The following MELK variants were observed in gnomAD, a reference collection of about 807,000 sequenced individuals.
MELK encodes the protein maternal embryonic leucine zipper kinase.
Under a neutral mutation model 85.0 loss-of-function variants are expected in MELK, and 81 were observed. That is an observed-to-expected ratio of 0.95 (90% CI 0.80 to 1.15). The LOEUF (loss-of-function observed/expected upper bound fraction) is 1.15, where lower values mean the gene tolerates loss of function less well. MELK is among the 50% of genes most tolerant of loss of function. The pLI is 0.00. For synonymous variants in MELK, 252 were observed against 265.0 expected (o/e 0.95, Z 0.48); for missense variants, 754 against 777.5 (o/e 0.97, Z 0.36).
chr9:36,608,179 C>CT (rs1223702591), intron 8 of MELK, among the ~76,000 whole-genome samples: 3 of 144,698 alleles, frequency 2.1e-5, no homozygotes, highest in African/African-American at 7.8e-5. Flanking sequence ...ACTCGGGAGG[C>CT]TGAGGCAGGA....
intron 3 of MELK, among the ~76,000 whole-genome samples, chr9:36,587,544 T>TGACCTCGTGATCCGCC (rs1203175301): frequency 6.6e-6 from 1 of 151,924 alleles, no homozygotes; most frequent in Non-Finnish European, 1.5e-5. Context: ...CTTGAACTCC[T>TGACCTCGTGATCCGCC]GACCTCGTGA....
At chr9:36,614,464 A>G (rs1405828250) in intron 8 of MELK, among the ~76,000 whole-genome samples, 1 of 118,510 alleles carries the variant, frequency 8.4e-6, no homozygotes, top group African/African-American at 3.5e-5. Flanking sequence ...TTTATTGATA[A>G]TTCTTGGGTG....
At chr9:36,609,378 G>T (rs1377768963) in intron 8 of MELK, among the ~76,000 whole-genome samples, 1 of 151,696 alleles carries the variant, frequency 6.6e-6, no homozygotes, top group African/African-American at 2.4e-5. Context: ...AGAACATCTT[G>T]TGTTCCATAG....
At chr9:36,649,443 C>T (rs546899284) in intron 11 of MELK, among the ~76,000 whole-genome samples, 9 of 152,024 alleles carry the variant, frequency 5.9e-5, no homozygotes, top group East Asian at 5.8e-4. Context: ...CCCAAGATCG[C>T]GCCACTGCAC....
chr9:36,576,530 A>T (rs890626731), intron 1 of MELK, among the ~76,000 whole-genome samples: 4 of 151,548 alleles, frequency 2.6e-5, no homozygotes, highest in African/African-American at 9.7e-5. Context: ...CATTGACCAA[A>T]TTTTTTTTGT....
intron 8 of MELK, among the ~76,000 whole-genome samples, chr9:36,627,825 C>A (rs531364561): frequency 6.6e-6 from 1 of 151,918 alleles, no homozygotes; most frequent in Non-Finnish European, 1.5e-5. Flanking sequence ...CTGTGCCCAG[C>A]CTGAGAGCCC....
chr9:36,675,324 G>C (rs1199536443), intron 17 of MELK, among the ~76,000 whole-genome samples: 2 of 152,092 alleles, frequency 1.3e-5, no homozygotes, highest in Non-Finnish European at 2.9e-5. Flanking sequence ...TCACCCCTGT[G>C]CTTTAGAAAA....
At chr9:36,630,652 T>C (rs970246404) in intron 9 of MELK, among the ~76,000 whole-genome samples, 7 of 152,188 alleles carry the variant, frequency 4.6e-5, no homozygotes, top group African/African-American at 1.7e-4. Context: ...TATTGATTGA[T>C]TGATTGATTG....
chr9:36,589,860 A>G (rs1284717910), intron 4 of MELK, among the ~76,000 whole-genome samples: 1 of 151,446 alleles, frequency 6.6e-6, no homozygotes, highest in African/African-American at 2.4e-5. Context: ...CTAATGGGGT[A>G]GTATGGTTTA....
intron 17 of MELK, 58 bp downstream of exon 17, chr9:36,674,995 A>C: frequency 7.4e-7 from 1 of 1,357,750 alleles, no homozygotes; most frequent in South Asian, 1.2e-5. Flanking sequence ...CTTTGAGAAA[A>C]TAGGAGTTGG....
intron 3 of MELK, among the ~76,000 whole-genome samples, chr9:36,587,852 C>T (rs1029780444): frequency 1.3e-5 from 2 of 151,804 alleles, no homozygotes; most frequent in Admixed American, 6.6e-5. Context: ...TCGGCCACTC[C>T]CAGGTTCAAG....
chr9:36,573,299 A>T (rs374119061), intron 1 of MELK: 2 of 152,136 alleles, frequency 1.3e-5, no homozygotes, highest in East Asian at 3.9e-4. Context: ...GTGAATTCCC[A>T]TTTCCCGTTT....
chr9:36,633,084 CTT>C lies in MELK; in HGVS notation c.736-14_736-13del. 6.4e-7 allele frequency: 1 copy of C among 1,561,360 alleles called. No homozygotes were observed. The highest frequency in any genetic ancestry group is 1.2e-5 in the South Asian group (1 of 86,430). On this transcript the variant is annotated splice_polypyrimidine_tract_variant and intron_variant, in intron 9 of 17. Transcript: ENST00000298048. ...TATTTGAAATGTTAATCTCTAGCTA[CTT>C]TTTAATGGCCACTAGGTGGACCCAA...
In MELK at chr9:36,677,396, CTG is replaced by C; in HGVS notation, c.*61_*62del. 7.0e-7 allele frequency: 1 copy of C among 1,423,988 alleles called. No homozygotes were observed. Among genetic ancestry groups the C allele is most frequent in the South Asian group, 1.5e-5 (1 of 65,190 alleles). 88.2% of individuals were successfully genotyped at this position (1,423,988 alleles called of 1,614,324 possible). ...GGGTGTGATACAGCCTACATAAAGA[CTG>C]TTATGATCGCTTTGATTTTAAAGTT... On this transcript the variant is annotated 3_prime_UTR_variant, in exon 18 of 18. Coordinates refer to ENST00000298048, the MANE Select transcript of MELK (RefSeq NM_014791.4).
chr9:36,652,729 C>CAA (rs745699767), intron 12 of MELK, among the ~76,000 whole-genome samples: 21 of 95,040 alleles, frequency 2.2e-4, no homozygotes, highest in African/African-American at 6.8e-4. Flanking sequence ...GACTCTGTCT[C>CAA]AAAAAAAAAA....
At chr9:36,642,744 T>G (rs1368206759) in intron 10 of MELK, among the ~76,000 whole-genome samples, 1 of 151,952 alleles carries the variant, frequency 6.6e-6, no homozygotes, top group Non-Finnish European at 1.5e-5. Flanking sequence ...CAACCGAACT[T>G]TAACAACAGT....
intron 1 of MELK, among the ~76,000 whole-genome samples, chr9:36,576,635 G>A (rs1229364125): frequency 6.6e-6 from 1 of 152,050 alleles, no homozygotes; most frequent in African/African-American, 2.4e-5. Context: ...GGGTTCAAGC[G>A]ATTCTCCTTC....
chr9:36,641,770 G>T (rs927706566), intron 10 of MELK, among the ~76,000 whole-genome samples: 2 of 151,922 alleles, frequency 1.3e-5, no homozygotes, highest in African/African-American at 4.8e-5. Context: ...ACCACGCCTG[G>T]CTAATTTTGT....
intron 1 of MELK, among the ~76,000 whole-genome samples, chr9:36,574,082 G>A (rs1043889640): frequency 1.3e-5 from 2 of 152,184 alleles, no homozygotes; most frequent in African/African-American, 4.8e-5. Flanking sequence ...TTCCCATGGA[G>A]TCTGGCTAGA....
Sources: gnomAD v4.1 joint callset for allele counts (sites outside exome capture counted in the v4.1 genomes callset) on GRCh38, gnomAD v4.1.1 for gene constraint, MANE v1.5 for transcripts, NCBI Gene and HGNC (gene_info 2026-07-23, HGNC 2026-07-21) for gene names.